Variants in PPFIA2 observed in about 807,000 individuals in gnomAD.
The protein encoded by PPFIA2 is PPFI scaffold protein A2.
A neutral mutation model predicts 175.5 loss-of-function variants in PPFIA2; 46 were observed. The observed-to-expected ratio is 0.26, with a 90% CI of 0.21 to 0.34. The LOEUF is 0.34. Ranked by LOEUF, PPFIA2 falls within the 10% of genes least tolerant of loss-of-function variation. The probability of loss-of-function intolerance (pLI) is 1.00; values close to 1 mark genes in which losing one functional copy is unlikely to be tolerated. For synonymous variants in PPFIA2, 568 were observed against 511.4 expected (o/e 1.11, Z -1.49); for missense variants, 1,179 against 1,506.1 (o/e 0.78, Z 3.60).
chr12:81,493,229 G>A lies in PPFIA2; in HGVS notation c.304-35363C>T, dbSNP rs1420948051. 3.3e-5 allele frequency among the ~76,000 whole-genome samples: 5 copies of A among 152,014 alleles called. No homozygotes were observed. The South Asian group carries it at 6.2e-4, about 19-fold the overall frequency. On this transcript the variant is annotated intron_variant, in intron 4 of 32. Coordinates refer to ENST00000549396, the MANE Select transcript of PPFIA2 (RefSeq NM_003625.5). ...TGGGAGAAGGGTCCAAGTTGGAGAC[G>A]CTAATATAGAAGTCATCATTTATAA... is the stretch of plus-strand genomic sequence containing the variant.
intron 8 of PPFIA2, among the ~76,000 whole-genome samples, chr12:81,395,677 T>A (rs1393483559): frequency 1.3e-5 from 2 of 152,014 alleles, no homozygotes; most frequent in African/African-American, 4.8e-5. Context: ...AGAGCAGAAA[T>A]TGGGAGTCGT....
chr12:81,422,076 GTA>G (rs1368061404), intron 7 of PPFIA2, among the ~76,000 whole-genome samples: 2 of 138,692 alleles, frequency 1.4e-5, no homozygotes, highest in East Asian at 2.0e-4. Flanking sequence ...GTGTGTGTGT[GTA>G]TATATATGTG....
chr12:81,576,199 A>G (rs189515736), intron 4 of PPFIA2, among the ~76,000 whole-genome samples: 3 of 151,800 alleles, frequency 2.0e-5, no homozygotes, highest in Admixed American at 2.0e-4. Flanking sequence ...GAAGAAAAGA[A>G]TGGATATTTG....
chr12:81,305,047 G>A (rs2048814625), intron 22 of PPFIA2, among the ~76,000 whole-genome samples: 1 of 151,972 alleles, frequency 6.6e-6, no homozygotes, highest in African/African-American at 2.4e-5. Context: ...TTGGAATAGG[G>A]ATTCAGGCAC....
chr12:81,457,708 A>T (rs1593283367), intron 5 of PPFIA2, 57 bp downstream of exon 5: 2 of 1,011,852 alleles, frequency 2.0e-6, no homozygotes, highest in East Asian at 5.0e-5. Context: ...TGTGTGTTAC[A>T]TGTAATGCAT....
At chr12:81,449,501 A>C (rs4842393) in intron 5 of PPFIA2, among the ~76,000 whole-genome samples, 2,175 of 151,222 alleles carry the variant, frequency 0.014, 59 homozygotes, top group East Asian at 0.059. Context: ...AAAAAAAAAA[A>C]CAAAAAAAAA....
At chr12:81,598,341 G>T (rs747815857) in intron 4 of PPFIA2, 14 of 1,143,182 alleles carry the variant, frequency 1.2e-5, no homozygotes, top group Non-Finnish European at 1.4e-5. Context: ...TGCAGAATCT[G>T]GCAGTGCTGT....
intron 3 of PPFIA2, among the ~76,000 whole-genome samples, chr12:81,694,955 C>A (rs972261787): frequency 1.3e-5 from 2 of 152,180 alleles, no homozygotes; most frequent in Non-Finnish European, 2.9e-5. Flanking sequence ...TCTTTGGTTT[C>A]ATAATTGCAT....
intron 22 of PPFIA2, among the ~76,000 whole-genome samples, chr12:81,310,749 C>T (rs1480912420): frequency 6.6e-6 from 1 of 152,064 alleles, no homozygotes; most frequent in Non-Finnish European, 1.5e-5. Context: ...TTTAAGAACA[C>T]CTTACTAGAG....
At chr12:81,553,508 A>G (rs2068301619) in intron 4 of PPFIA2, among the ~76,000 whole-genome samples, 1 of 152,068 alleles carries the variant, frequency 6.6e-6, no homozygotes, top group Admixed American at 6.6e-5. Flanking sequence ...TTGGTAGCAT[A>G]AAAGACACAA....
At chr12:81,293,779 C>G (rs1273007106) in intron 24 of PPFIA2, among the ~76,000 whole-genome samples, 1 of 152,134 alleles carries the variant, frequency 6.6e-6, no homozygotes, top group African/African-American at 2.4e-5. Context: ...ACTAAGTAAT[C>G]TCGCTACTTA....
At chr12:81,388,978 C>T (rs1488932718) in intron 8 of PPFIA2, among the ~76,000 whole-genome samples, 1 of 151,678 alleles carries the variant, frequency 6.6e-6, no homozygotes, top group Non-Finnish European at 1.5e-5. Context: ...CACTCACACA[C>T]CCCAAGCCCC....
intron 3 of PPFIA2, among the ~76,000 whole-genome samples, chr12:81,686,046 G>A (rs890239202): frequency 6.6e-6 from 1 of 151,956 alleles, no homozygotes; most frequent in Non-Finnish European, 1.5e-5. Flanking sequence ...GATTCCAGAG[G>A]CAATGATTTT....
At chr12:81,725,273 AG>A (rs1265722055) in intron 3 of PPFIA2, among the ~76,000 whole-genome samples, 1 of 150,980 alleles carries the variant, frequency 6.6e-6, no homozygotes, top group African/African-American at 2.4e-5. Context: ...AAACTCCCTT[AG>A]AAAATACATA....
intron 4 of PPFIA2, among the ~76,000 whole-genome samples, chr12:81,566,399 C>CT (rs969412116): frequency 1.4e-4 from 21 of 151,596 alleles, no homozygotes; most frequent in African/African-American, 5.1e-4. Flanking sequence ...TGGTGGGTGC[C>CT]TGTAGTCCCA....
rs1405125489 is a variant in PPFIA2 at position 81,268,015 on chromosome 12, T to G, written c.3383A>C (p.Asn1128Thr). 6.3e-7 allele frequency: 1 copy of G among 1,597,432 alleles called. No homozygotes were observed. The highest frequency in any genetic ancestry group is 1.3e-5 in the African/African-American group (1 of 74,624). The change falls in exon 29 of 33, where the codon AAT becomes ACT. Residue 1128 changes from asparagine (N) to threonine (T), a missense_variant. Coordinates refer to ENST00000549396, the MANE Select transcript of PPFIA2 (RefSeq NM_003625.5). Reference protein sequence around the residue: ...QAIGLREYANNILESGVHGSL... With the variant: ...QAIGLREYANTILESGVHGSL... The stretch of plus-strand genomic sequence containing the variant: ...GCCATGCACACCGCTCTCAAGTATA[T>G]TATTTGCATATTCTCGAAGTCCAAT...
In PPFIA2 at chr12:81,462,404, C is replaced by T. The variant is rs200436278; in HGVS notation, c.304-4538G>A. On this transcript the variant is annotated intron_variant, in intron 4 of 32. Transcript: ENST00000549396. ...TGATTCAAACACACTTCTACAGATT[C>T]CTTTTAATTCAGACATGGTGAAGTA... Among the ~76,000 whole-genome samples, 35 of 146,704 alleles carry T rather than the reference C, an allele frequency of 2.4e-4. No individual in the cohort carries two copies. The East Asian group carries it at 5.3e-3, about 22-fold the overall frequency.
rs771762884 is a variant in PPFIA2, at chr12:81,267,929, G to T, written c.3469C>A (p.Pro1157Thr). 1 of 1,594,958 alleles carries T rather than the reference G, an allele frequency of 6.3e-7. No homozygotes were observed. Among genetic ancestry groups the T allele is most frequent in the African/African-American group, 1.3e-5 (1 of 74,686 alleles). ...YSSLALLLQIPTQNTQARQIL... is the reference protein window; with the variant it reads ...YSSLALLLQITTQNTQARQIL... The stretch of plus-strand genomic sequence containing the variant: ...TGACTTGCCTGGGTGTTCTGTGTTG[G>T]AATCTGTAATAATAAAGCTAAGCTG... The change falls in exon 29 of 33, where the codon CCA becomes ACA. Residue 1157 changes from proline to threonine, a missense_variant. Pro to Thr is a conservative substitution (Grantham distance 38). Around this residue, in one of 10 missense-constraint regions of PPFIA2, gnomAD observed 245 missense variants for 375.1 expected, o/e 0.65. Transcript: ENST00000549396.
intron 4 of PPFIA2, among the ~76,000 whole-genome samples, chr12:81,498,583 C>G (rs541589047): frequency 6.6e-6 from 1 of 152,008 alleles, no homozygotes; most frequent in African/African-American, 2.4e-5. Context: ...GGGAATACAG[C>G]CATGGGGATT....
Sources: gnomAD v4.1 joint callset for allele counts (sites outside exome capture counted in the v4.1 genomes callset) on GRCh38, gnomAD v4.1.1 for gene constraint, gnomAD v4.1.1 regional missense constraint, MANE v1.5 for transcripts, NCBI Gene and HGNC (gene_info 2026-07-23, HGNC 2026-07-21) for gene names.